TGFBI: variants seen among roughly 807,000 people sequenced by gnomAD.
The protein encoded by TGFBI is transforming growth factor beta induced.
A neutral mutation model predicts 73.7 loss-of-function variants in TGFBI; 50 were observed. That is an observed-to-expected ratio of 0.68 (90% CI 0.54 to 0.86). The LOEUF (loss-of-function observed/expected upper bound fraction) is 0.86. Ranked by LOEUF, TGFBI falls within the 40% of genes least tolerant of loss-of-function variation. The pLI is 0.00. For synonymous variants in TGFBI, 362 were observed against 360.5 expected (o/e 1.00, Z -0.05); for missense variants, 839 against 877.0 (o/e 0.96, Z 0.55).
intron 2 of TGFBI, among the ~76,000 whole-genome samples, chr5:136,042,797 C>T (rs539215284): frequency 1.3e-5 from 2 of 152,300 alleles, no homozygotes; most frequent in South Asian, 2.1e-4. Context: ...CTCTGAAACA[C>T]CCCCTGGAGA....
intron 3 of TGFBI, 140 bp downstream of exon 3, chr5:136,044,262 G>T: frequency 2.7e-6 from 2 of 733,784 alleles, no homozygotes; most frequent in Non-Finnish European, 4.7e-6. Flanking sequence ...GTGCCCACTG[G>T]CCCCAGGCTC....
intron 10 of TGFBI, 69 bp downstream of exon 10, chr5:136,054,930 A>G: frequency 5.2e-6 from 8 of 1,552,348 alleles, no homozygotes; most frequent in Non-Finnish European, 7.0e-6. Context: ...AGTGTAAAAA[A>G]AAATGTCCTC....
chr5:136,031,379 T>C (rs1478407704), intron 1 of TGFBI, among the ~76,000 whole-genome samples: 1 of 152,236 alleles, frequency 6.6e-6, no homozygotes, highest in Admixed American at 6.5e-5. Flanking sequence ...TTTTAAGGAA[T>C]TGTAGCGTGC....
At chr5:136,054,941 A>G in intron 10 of TGFBI, 80 bp downstream of exon 10, 4 of 1,523,246 alleles carry the variant, frequency 2.6e-6, no homozygotes, top group Non-Finnish European at 2.7e-6. Context: ...AAATGTCCTC[A>G]ATAAGCAGGA....
Position 136,029,187 on chromosome 5 carries a change from C to T in TGFBI, c.132C>T (p.His44=), listed in dbSNP as rs750955331. ...ACAGCAGGCTCCGGGGCCGCCAGCACGGGTAAGCCGAGCCGCCTGGCCAGG... is the reference window on the plus strand; with the variant it reads ...ACAGCAGGCTCCGGGGCCGCCAGCATGGGTAAGCCGAGCCGCCTGGCCAGG... ...LQHSRLRGRQ[H]GPNVCAVQKV... Residue 44 remains histidine, a splice_region_variant and synonymous_variant, in exon 1 of 17, where the codon CAC becomes CAT. Transcript: ENST00000442011. The T allele has an allele frequency of 2.7e-6, 4 of 1,492,344 alleles. No individual in the cohort carries two copies. The South Asian group carries it at 3.8e-5, about 14-fold the overall frequency. The allele number at this position is 1,492,344 out of a possible 1,614,324, so 92.4% of individuals were successfully genotyped here.
Position 136,029,068 on chromosome 5 carries a change from G to A in TGFBI, c.13G>A (p.Val5Met). 6.5e-7 allele frequency: 1 copy of A among 1,527,646 alleles called. No homozygotes were observed. Among genetic ancestry groups the A allele is most frequent in the Non-Finnish European group, 8.7e-7 (1 of 1,144,180 alleles). The allele number at this position is 1,527,646 out of a possible 1,614,324, so 94.6% of individuals were successfully genotyped here. The part of the protein sequence containing the change: MALF[V>M]RLLALALALA... ...GTCGTCCCGCTCCATGGCGCTCTTC[G>A]TGCGGCTGCTGGCTCTCGCCCTGGC... Residue 5 changes from valine (V) to methionine (M), a missense_variant, in exon 1 of 17, where the codon GTG (valine) becomes ATG (methionine). Transcript: ENST00000442011.
Position 136,062,717 on chromosome 5 carries a change from C to T in TGFBI, c.2011+30C>T, listed in dbSNP as rs201008971. 1.8e-3 allele frequency: 2,874 copies of T among 1,560,938 alleles called. 4 individuals are homozygous for T. The highest frequency in any genetic ancestry group is 3.1e-3 in the Admixed American group (161 of 52,350). ...GTCTGGTCTGGGTTTGAAGTCATTGCAGACCTGTTTAGGCCTTACCCCCAA... is the reference window on the plus strand; with the variant it reads ...GTCTGGTCTGGGTTTGAAGTCATTGTAGACCTGTTTAGGCCTTACCCCCAA... On this transcript the variant is annotated intron_variant, in intron 16 of 16. Coordinates refer to ENST00000442011, the MANE Select transcript of TGFBI (RefSeq NM_000358.3).
intron 7 of TGFBI, among the ~76,000 whole-genome samples, chr5:136,051,110 G>T (rs543463163): frequency 7.9e-5 from 12 of 152,258 alleles, no homozygotes; most frequent in Admixed American, 6.5e-4. Flanking sequence ...AACATGATTT[G>T]CACAGAGCAC....
intron 2 of TGFBI, among the ~76,000 whole-genome samples, chr5:136,042,818 C>T (rs979100408): frequency 1.3e-5 from 2 of 152,162 alleles, no homozygotes; most frequent in Non-Finnish European, 2.9e-5. Flanking sequence ...ACAGATGAAT[C>T]AGGCTTCATC....
rs1751166163 is a variant in TGFBI, at chr5:136,033,811, C to T, written c.183C>T (p.Tyr61=). 7 of 1,613,866 alleles carry T rather than the reference C, an allele frequency of 4.3e-6. No individual in the cohort carries two copies. The highest frequency in any genetic ancestry group is 2.2e-5 in the South Asian group (2 of 91,064). Residue 61 remains tyrosine (Y), a synonymous_variant, in exon 2 of 17, where the codon TAC becomes TAT. Coordinates refer to ENST00000442011, the MANE Select transcript of TGFBI (RefSeq NM_000358.3). Reference sequence around the variant, plus strand: ...AGGTTATTGGCACTAATAGGAAGTACTTCACCAACTGCAAGCAGTGGTACC... The same window carrying T: ...AGGTTATTGGCACTAATAGGAAGTATTTCACCAACTGCAAGCAGTGGTACC... ...VQKVIGTNRK[Y]FTNCKQWYQR...
At chr5:136,055,633 G>A (rs548966276) in intron 10 of TGFBI, 47 bp from the exon 11 acceptor site, 14 of 1,499,014 alleles carry the variant, frequency 9.3e-6, no homozygotes, top group African/African-American at 4.1e-5. Flanking sequence ...GAGGCCCCTC[G>A]TGGAAGTATA....
intron 13 of TGFBI, among the ~76,000 whole-genome samples, chr5:136,059,743 C>T (rs556484359): frequency 1.3e-3 from 201 of 152,322 alleles, no homozygotes; most frequent in African/African-American, 4.8e-3. Context: ...GCTGCACCTG[C>T]AGAGGCCACT....
At position 136,052,830 on chromosome 5, in the gene TGFBI, C is replaced by A. The variant is rs540256823; in HGVS notation, c.914-77C>A. ...ATCTGAGAGAACAGGATCCTCACAG[C>A]ATGGGCAGGCTGCAAGTGGTCCCTG... On this transcript the variant is annotated intron_variant, in intron 7 of 16. Transcript: ENST00000442011. 3.2e-4 allele frequency: 454 copies of A among 1,400,828 alleles called. 1 individual carries two copies. The South Asian group carries it at 5.7e-3, about 18-fold the overall frequency. 86.8% of individuals were successfully genotyped at this position (1,400,828 alleles called of 1,614,324 possible). A position where few individuals can be genotyped will look rare whatever the true frequency, so the allele number is the denominator to read the frequency against.
intron 1 of TGFBI, 107 bp downstream of exon 1, chr5:136,029,296 C>T: frequency 7.8e-7 from 1 of 1,282,078 alleles, no homozygotes; most frequent in Non-Finnish European, 1.0e-6. Context: ...GGGACAAAGC[C>T]CGAACTAAAA....
At chr5:136,029,391 G>A (rs1398150079) in intron 1 of TGFBI, among the ~76,000 whole-genome samples, 1 of 152,220 alleles carries the variant, frequency 6.6e-6, no homozygotes, top group East Asian at 1.9e-4. Context: ...TGGAGGGAAA[G>A]CGGGAGGCCG....
Position 136,062,645 on chromosome 5 carries a change from C to A in TGFBI, c.1987-18C>A. ...ATAACTTTCACTAGAAAACCTGACACCTTGTGTTTTCTTTCAGGCTTCCCA... is the reference window on the plus strand; with the variant it reads ...ATAACTTTCACTAGAAAACCTGACAACTTGTGTTTTCTTTCAGGCTTCCCA... On this transcript the variant is annotated intron_variant, in intron 15 of 16. Coordinates refer to ENST00000442011, the MANE Select transcript of TGFBI (RefSeq NM_000358.3). 6.4e-7 allele frequency: 1 copy of A among 1,560,100 alleles called. No homozygotes were observed. Among genetic ancestry groups the A allele is most frequent in the Non-Finnish European group, 8.7e-7 (1 of 1,150,576 alleles).
At chr5:136,050,326 C>T (rs1025956383) in intron 7 of TGFBI, among the ~76,000 whole-genome samples, 6 of 117,188 alleles carry the variant, frequency 5.1e-5, no homozygotes, top group African/African-American at 9.8e-5. Flanking sequence ...AGCGACACTC[C>T]GTCTCAAGAA....
intron 4 of TGFBI, 110 bp downstream of exon 4, chr5:136,046,605 AGCTT>A: frequency 7.2e-7 from 1 of 1,382,216 alleles, no homozygotes; most frequent in Non-Finnish European, 9.6e-7. Context: ...TGTTTCAGGA[AGCTT>A]TCTCCTTAAC....
chr5:136,052,055 T>G (rs1180702715), intron 7 of TGFBI, among the ~76,000 whole-genome samples: 1 of 151,958 alleles, frequency 6.6e-6, no homozygotes, highest in Admixed American at 6.5e-5. Flanking sequence ...CCAGGCCACC[T>G]GCTCAGCCTG....
Sources: allele counts gnomAD v4.1 joint callset (sites outside exome capture counted in the v4.1 genomes callset), GRCh38; gene constraint gnomAD v4.1.1; transcripts MANE v1.5; gene names NCBI Gene and HGNC (gene_info 2026-07-23, HGNC 2026-07-21).